Variants in SPAG17 observed in about 807,000 individuals in gnomAD.
SPAG17 encodes sperm-associated antigen 17.
Under a neutral mutation model 273.6 loss-of-function variants are expected in SPAG17, and 169 were observed. The observed-to-expected ratio is 0.62, with a 90% CI of 0.55 to 0.70. SPAG17 has a LOEUF of 0.70. Ranked by LOEUF, SPAG17 falls within the 30% of genes least tolerant of loss-of-function variation. The pLI, the probability that SPAG17 is intolerant of heterozygous loss-of-function variation, is 0.00. For missense variants in SPAG17, 2,557 were observed against 2,627.8 expected (o/e 0.97, Z 0.59); for synonymous variants, 825 against 873.2 (o/e 0.94, Z 0.97).
intron 1 of SPAG17, among the ~76,000 whole-genome samples, chr1:118,166,902 C>T (rs1362298103): frequency 6.6e-6 from 1 of 152,112 alleles, no homozygotes; most frequent in Non-Finnish European, 1.5e-5. Context: ...TAGACAAATG[C>T]TTTGACAAAG....
At chr1:118,014,533 T>C (rs577626290) in intron 29 of SPAG17, among the ~76,000 whole-genome samples, 5 of 152,312 alleles carry the variant, frequency 3.3e-5, no homozygotes, top group Non-Finnish European at 5.9e-5. Context: ...TGAGATCATA[T>C]GTACTTTGAG....
At chr1:118,184,501 T>C (rs1266757548) in intron 1 of SPAG17, among the ~76,000 whole-genome samples, 1 of 152,148 alleles carries the variant, frequency 6.6e-6, no homozygotes, top group African/African-American at 2.4e-5. Context: ...CAACCCCTCA[T>C]TGCTCTGATC....
chr1:118,043,758 TTA>T (rs1650035984), intron 20 of SPAG17, among the ~76,000 whole-genome samples: 2 of 152,220 alleles, frequency 1.3e-5, no homozygotes, highest in Non-Finnish European at 2.9e-5. Context: ...AGACTAGCTG[TTA>T]TATTGTTACT....
intron 29 of SPAG17, among the ~76,000 whole-genome samples, chr1:118,014,197 T>C (rs1349194374): frequency 1.3e-5 from 2 of 152,144 alleles, no homozygotes; most frequent in African/African-American, 4.8e-5. Context: ...GTTGTGAGAA[T>C]TGAGTGAGTT....
At position 117,953,934 on chromosome 1, in the gene SPAG17, G is replaced by C; in HGVS notation, c.*116C>G. ...ATTTCATTTGGCAAATTTCTGGTCA[G>C]TTCTTCCAGTTTCAGTGTCCTGGGA... On this transcript the variant is annotated 3_prime_UTR_variant, in exon 49 of 49. Transcript: ENST00000336338. The C allele has an allele frequency of 7.6e-7, 1 of 1,320,078 alleles. No individual in the cohort carries two copies. Among genetic ancestry groups the C allele is most frequent in the Non-Finnish European group, 1.1e-6 (1 of 950,332 alleles). The allele number at this position is 1,320,078 out of a possible 1,614,324, so 81.8% of individuals were successfully genotyped here.
chr1:118,097,951 C>T, intron 6 of SPAG17, 100 bp from the exon 7 acceptor site: 1 of 653,400 alleles, frequency 1.5e-6, no homozygotes, highest in Non-Finnish European at 2.3e-6. Context: ...GATATCTGTA[C>T]AGTACCAGAA....
chr1:118,170,121 G>T (rs1365159716), intron 1 of SPAG17, among the ~76,000 whole-genome samples: 1 of 152,106 alleles, frequency 6.6e-6, no homozygotes, highest in East Asian at 1.9e-4. Flanking sequence ...AATTCAACTA[G>T]CTCTCCTGGT....
At chr1:118,113,706 GC>G (rs1656903848) in intron 4 of SPAG17, among the ~76,000 whole-genome samples, 1 of 152,002 alleles carries the variant, frequency 6.6e-6, no homozygotes, top group Non-Finnish European at 1.5e-5. Context: ...TAAGGTTCAT[GC>G]CCCAGTTACC....
At chr1:118,143,453 T>C (rs185190617) in intron 3 of SPAG17, among the ~76,000 whole-genome samples, 165 of 152,202 alleles carry the variant, frequency 1.1e-3, no homozygotes, top group Admixed American at 2.0e-3. Context: ...ATCCCAGTAA[T>C]TGGGCTGGCA....
intron 6 of SPAG17, among the ~76,000 whole-genome samples, chr1:118,098,491 A>T (rs1173521284): frequency 6.6e-6 from 1 of 151,668 alleles, no homozygotes; most frequent in Non-Finnish European, 1.5e-5. Flanking sequence ...TATAAAGTCT[A>T]TTTTTTAATA....
At chr1:118,076,966 G>C (rs1224214341) in intron 15 of SPAG17, among the ~76,000 whole-genome samples, 1 of 151,940 alleles carries the variant, frequency 6.6e-6, no homozygotes, top group Non-Finnish European at 1.5e-5. Context: ...TCAACTCTCA[G>C]GTTTTTCATA....
At chr1:118,129,707 CTTTCT>C (rs1341123765) in intron 3 of SPAG17, among the ~76,000 whole-genome samples, 5 of 149,810 alleles carry the variant, frequency 3.3e-5, no homozygotes, top group Non-Finnish European at 7.4e-5. Context: ...TCCCTTCTTT[CTTTCT>C]TTTCTTTCTT....
intron 44 of SPAG17, among the ~76,000 whole-genome samples, chr1:117,972,426 G>A (rs941415977): frequency 4.6e-5 from 7 of 152,250 alleles, no homozygotes; most frequent in African/African-American, 1.2e-4. Context: ...TACCCCCAGA[G>A]TTTTTCATTC....
intron 38 of SPAG17, among the ~76,000 whole-genome samples, chr1:117,989,109 G>A (rs1488010575): frequency 6.6e-6 from 1 of 152,100 alleles, no homozygotes; most frequent in Non-Finnish European, 1.5e-5. Context: ...TAGGGCCCCT[G>A]GTTAAATTTG....
chr1:117,976,617 G>A (rs1196304724), intron 43 of SPAG17, among the ~76,000 whole-genome samples: 1 of 152,180 alleles, frequency 6.6e-6, no homozygotes, highest in Non-Finnish European at 1.5e-5. Context: ...CTTGCCTGAC[G>A]TGGTGGCTCC....
rs781617073 is a variant in SPAG17, at chr1:118,091,678, G to A, written c.1287C>T (p.Tyr429=). 6.2e-7 allele frequency: 1 copy of A among 1,612,020 alleles called. No individual in the cohort carries two copies. Among genetic ancestry groups the A allele is most frequent in the Admixed American group, 1.7e-5 (1 of 59,902 alleles). ...VITTEVDMRY[Y]NYLLNPIREE... ...CTCGAATTGGATTCAGCAAATAATT[G>A]TAATATCTCATGTCTACTTCAGTTG... The change falls in exon 10 of 49, where the codon TAC becomes TAT. Residue 429 remains tyrosine, a synonymous_variant. Coordinates refer to ENST00000336338, the MANE Select transcript of SPAG17 (RefSeq NM_206996.4).
chr1:118,025,473 A>T, intron 26 of SPAG17, 57 bp from the exon 27 acceptor site: 1 of 1,176,638 alleles, frequency 8.5e-7, no homozygotes, highest in Non-Finnish European at 1.2e-6. Flanking sequence ...GCTGGATTTT[A>T]TCATCTTGCT....
At chr1:117,959,179 G>C in intron 48 of SPAG17, 1 of 1,402,952 alleles carries the variant, frequency 7.1e-7, no homozygotes. Context: ...AGTTCTTAAT[G>C]AGGGAAAGAT....
chr1:118,140,830 A>G (rs1361365384), intron 3 of SPAG17, among the ~76,000 whole-genome samples: 1 of 152,156 alleles, frequency 6.6e-6, no homozygotes, highest in Non-Finnish European at 1.5e-5. Context: ...TGGCTTTCTA[A>G]TTTCCTATGA....
Sources: allele counts gnomAD v4.1 joint callset (sites outside exome capture counted in the v4.1 genomes callset), GRCh38; gene constraint gnomAD v4.1.1; transcripts MANE v1.5; gene names NCBI Gene and HGNC (gene_info 2026-07-23, HGNC 2026-07-21).